Variants in CAPRIN2 observed in about 807,000 individuals in gnomAD.
CAPRIN2 encodes the protein caprin-2.
CAPRIN2 carries 66 observed loss-of-function variants against 130.4 expected under a neutral mutation model. That is an observed-to-expected ratio of 0.51 (90% confidence interval 0.42 to 0.62). The LOEUF (loss-of-function observed/expected upper bound fraction) is 0.62, where lower values mean the gene tolerates loss of function less well. CAPRIN2 is among the 20% of genes least tolerant of loss of function. CAPRIN2 has a pLI of 0.00. For missense variants in CAPRIN2, 1,185 were observed against 1,246.6 expected, an observed-to-expected ratio of 0.95 and a Z score of 0.74; for synonymous variants, 471 against 444.1, an observed-to-expected ratio of 1.06 and a Z score of -0.76.
chr12:30,753,506 C>T (rs138857719), exon 1 of CAPRIN2: 33 of 1,614,200 alleles, frequency 2.0e-5, no homozygotes, highest in Non-Finnish European at 1.9e-5. Flanking sequence ...TCACTTGGGG[C>T]TTGGCTGACT....
At chr12:30,715,079 G>T (rs1332845215) in exon 14 of CAPRIN2, 2 of 1,613,856 alleles carry the variant, frequency 1.2e-6, no homozygotes, top group Non-Finnish European at 1.7e-6. Context: ...ACATTCGTCT[G>T]TGCTGGGTAA....
chr12:30,729,377 AG>A (rs1251787920), intron 7 of CAPRIN2, 52 bp from the exon 9 acceptor site: 1 of 1,332,940 alleles, frequency 7.5e-7, no homozygotes, highest in African/African-American at 1.5e-5. Flanking sequence ...AAGACCTTGG[AG>A]GGAATATTCA....
At chr12:30,723,797 ACT>A (rs761987249) in intron 10 of CAPRIN2, among the ~76,000 whole-genome samples, 65 of 152,002 alleles carry the variant, frequency 4.3e-4, no homozygotes, top group Non-Finnish European at 7.5e-4. Context: ...TTTATTAATT[ACT>A]CTCTATTTAC....
chr12:30,715,243 T>C (rs2057093004), intron 13 of CAPRIN2, 102 bp from the exon 16 acceptor site: 1 of 924,240 alleles, frequency 1.1e-6, no homozygotes, highest in African/African-American at 1.7e-5. Context: ...TTTGCTGCCT[T>C]TAAAAATAAA....
intron 3 of CAPRIN2, among the ~76,000 whole-genome samples, chr12:30,737,598 C>CTTTTTTTT (rs11304850): frequency 7.6e-6 from 1 of 131,242 alleles, no homozygotes; most frequent in Non-Finnish European, 1.6e-5. Flanking sequence ...AACTGGTTTT[C>CTTTTTTTT]TTTTTTTTTT....
At chr12:30,751,161 T>C (rs765930457) in intron 1 of CAPRIN2, 28 bp from the exon 3 acceptor site, 5 of 1,573,420 alleles carry the variant, frequency 3.2e-6, no homozygotes, top group South Asian at 1.1e-5. Flanking sequence ...GTATCTACCA[T>C]AGTCTGACAT....
chr12:30,739,676 C>T (rs979876857), intron 3 of CAPRIN2, among the ~76,000 whole-genome samples: 1 of 150,624 alleles, frequency 6.6e-6, no homozygotes, highest in Admixed American at 6.6e-5. Flanking sequence ...AATCGTGCCA[C>T]TGCACTCCAG....
In CAPRIN2 at chr12:30,710,189, G is replaced by A; in HGVS notation, c.2947C>T (p.Gln983Ter). The change falls in exon 17 of 17, where the codon CAG becomes TAG. Residue 983 changes from glutamine (Q) to a stop codon, truncating the protein, a stop_gained. Transcript: ENST00000298892. LOFTEE classifies it high-confidence loss of function. The surrounding 1 kb of genome is among the most constrained non-coding windows in gnomAD (Gnocchi z 4.8). ...ACTGGGCAATTAAATCTACCAAGCTGAAGATCAAAAGTTTCTCCTAAGTTG... is the reference window on the plus strand; with the variant it reads ...ACTGGGCAATTAAATCTACCAAGCTAAAGATCAAAAGTTTCTCCTAAGTTG... 6.2e-7 allele frequency: 1 copy of A among 1,614,170 alleles called. No homozygotes were observed. The highest frequency in any genetic ancestry group is 1.1e-5 in the South Asian group (1 of 91,082).
chr12:30,740,506 T>C (rs930123697), intron 3 of CAPRIN2, among the ~76,000 whole-genome samples: 37 of 152,222 alleles, frequency 2.4e-4, no homozygotes, highest in South Asian at 2.1e-4. Context: ...AGATAAAATT[T>C]TGAACTGCCA....
At chr12:30,730,872 C>A (rs138968246) in intron 6 of CAPRIN2, among the ~76,000 whole-genome samples, 62 of 152,280 alleles carry the variant, frequency 4.1e-4, no homozygotes, top group African/African-American at 1.5e-3. Flanking sequence ...GTGCCACTTG[C>A]TCAAAGTATT....
chr12:30,734,937 T>A (rs1420000704), intron 4 of CAPRIN2, 31 bp downstream of exon 5: 1 of 1,476,076 alleles, frequency 6.8e-7, no homozygotes, highest in Admixed American at 1.7e-5. Context: ...GTCAAGTGTT[T>A]CATTTCAGGA....
rs755172976 is a variant in CAPRIN2, at chr12:30,713,926, CATATTAAACTTTTAA to C, written c.2501-56_2501-42del. The C allele has an allele frequency of 1.7e-5, 20 of 1,189,210 alleles. No homozygotes were observed. In the African/African-American group the frequency reaches 2.7e-4, roughly 16 times the overall value. 73.7% of individuals were successfully genotyped at this position (1,189,210 alleles called of 1,614,324 possible). A position where few individuals can be genotyped will look rare whatever the true frequency, so the allele number is the denominator to read the frequency against. On this transcript the variant is annotated intron_variant, in intron 14 of 16. Transcript: ENST00000298892. The stretch of plus-strand genomic sequence containing the variant: ...ACTTACATAAGATTATGGACAAAAT[CATATTAAACTTTTAA>C]ACAGTCTAATTCTATATTGCTTTAA...
In CAPRIN2 at chr12:30,710,267, T is replaced by C; in HGVS notation, c.2869A>G (p.Asn957Asp). Reference sequence around the variant, plus strand: ...TGGTCTAAAGTTCCAGGGGCCAGATTAGAGGTTCTGGCTGCTGAGAAGGCA... The same window carrying C: ...TGGTCTAAAGTTCCAGGGGCCAGATCAGAGGTTCTGGCTGCTGAGAAGGCA... The change falls in exon 17 of 17, where the codon AAT (asparagine) becomes GAT (aspartate). Residue 957 changes from asparagine (N) to aspartate (D), a missense_variant. Physicochemically the swap from Asn to Asp is conservative, Grantham distance 23. Transcript: ENST00000298892. The surrounding 1 kb of genome is among the most constrained non-coding windows in gnomAD (Gnocchi z 4.8). The C allele has an allele frequency of 6.2e-7, 1 of 1,614,146 alleles. No individual in the cohort carries two copies. The highest frequency in any genetic ancestry group is 8.5e-7 in the Non-Finnish European group (1 of 1,180,032).
chr12:30,726,001 T>C, exon 9 of CAPRIN2: 2 of 1,600,558 alleles, frequency 1.2e-6, no homozygotes, highest in Admixed American at 1.7e-5. Context: ...ATCTGAGTCA[T>C]CAGATCCTGC....
intron 8 of CAPRIN2, 67 bp downstream of exon 9, chr12:30,728,581 A>T: frequency 1.3e-5 from 18 of 1,384,424 alleles, no homozygotes; most frequent in Non-Finnish European, 1.8e-5. Flanking sequence ...GAGAACTAAA[A>T]AGTCATTACC....
intron 8 of CAPRIN2, 23 bp from the exon 10 acceptor site, chr12:30,726,111 G>T (rs779145649): frequency 7.1e-7 from 1 of 1,400,824 alleles, no homozygotes; most frequent in Non-Finnish European, 9.4e-7. Flanking sequence ...CCCATAATGT[G>T]TAAGAGTGAA....
chr12:30,709,842 T>C (rs1320742969), exon 17 of CAPRIN2: 3 of 1,527,244 alleles, frequency 2.0e-6, no homozygotes, highest in Admixed American at 4.1e-5. Flanking sequence ...CAAAGACTAC[T>C]TTTCCTTCAA....
chr12:30,715,207 AAT>A (rs1001028609), intron 13 of CAPRIN2, 66 bp from the exon 16 acceptor site: 3 of 1,262,426 alleles, frequency 2.4e-6, no homozygotes, highest in Non-Finnish European at 3.4e-6. Context: ...CTTAAAAGCC[AAT>A]ATATATCAAA....
chr12:30,729,406 A>G lies in CAPRIN2; in HGVS notation c.1105-81T>C, dbSNP rs934733624. 9.3e-5 allele frequency: 89 copies of G among 953,700 alleles called. 2 individuals are homozygous for G. Among genetic ancestry groups the G allele is most frequent in the East Asian group, 9.2e-4 (37 of 40,392 alleles). The allele number at this position is 953,700 out of a possible 1,614,324, so 59.1% of individuals were successfully genotyped here. On this transcript the variant is annotated intron_variant, in intron 7 of 16. Coordinates refer to ENST00000298892, the Ensembl canonical transcript of CAPRIN2. ...AATATTCAACTCTATTAGTATTGCT[A>G]TGTCCTCTGATCTAAGTTGTTGCAC...
Sources: allele counts gnomAD v4.1 joint callset (sites outside exome capture counted in the v4.1 genomes callset), GRCh38; gene constraint gnomAD v4.1.1; non-coding constraint Gnocchi (gnomAD v3.1); transcripts MANE v1.5; gene names NCBI Gene and HGNC (gene_info 2026-07-23, HGNC 2026-07-21).